Variants in HPSE2 observed in about 807,000 individuals in gnomAD.
HPSE2 encodes heparanase 2 (inactive), also known as inactive heparanase-2.
HPSE2 carries 38 observed loss-of-function variants against 60.5 expected under a neutral mutation model. The ratio of observed to expected loss-of-function variants is 0.63; its 90% confidence interval spans 0.48 to 0.82. HPSE2 has a LOEUF of 0.82. Ranked by LOEUF, HPSE2 falls within the 40% of genes least tolerant of loss-of-function variation. The pLI is 0.00. For missense variants in HPSE2, 713 were observed against 740.4 expected (o/e 0.96, Z 0.43); for synonymous variants, 295 against 293.2 (o/e 1.01, Z -0.06).
intron 3 of HPSE2, among the ~76,000 whole-genome samples, chr10:98,943,337 A>G (rs1440858117): frequency 6.6e-6 from 1 of 152,032 alleles, no homozygotes; most frequent in Non-Finnish European, 1.5e-5. Flanking sequence ...ACTTGTATTG[A>G]GTATCTTTTA....
chr10:98,834,410 A>T (rs1273197462), intron 3 of HPSE2, among the ~76,000 whole-genome samples: 1 of 152,176 alleles, frequency 6.6e-6, no homozygotes, highest in Non-Finnish European at 1.5e-5. Context: ...GTTTTCCTGT[A>T]CTAACTGCAC....
chr10:98,604,436 C>T (rs1212189729), intron 9 of HPSE2, among the ~76,000 whole-genome samples: 4 of 152,034 alleles, frequency 2.6e-5, no homozygotes, highest in African/African-American at 9.7e-5. Flanking sequence ...ATAGAAATCT[C>T]CCAAATTGAA....
chr10:98,788,935 G>A (rs552102438), intron 3 of HPSE2, among the ~76,000 whole-genome samples: 13 of 152,240 alleles, frequency 8.5e-5, no homozygotes, highest in Middle Eastern at 3.4e-3. Context: ...GCTGTAGACC[G>A]GAGCTGTTCC....
At chr10:98,804,513 T>C (rs1950995386) in intron 3 of HPSE2, among the ~76,000 whole-genome samples, 1 of 152,062 alleles carries the variant, frequency 6.6e-6, no homozygotes, top group African/African-American at 2.4e-5. Flanking sequence ...ACAAATGGCA[T>C]ACAGGCACAT....
the HPSE2 span, among the ~76,000 whole-genome samples, chr10:99,302,059 G>A: frequency 6.6e-6 from 1 of 151,878 alleles, no homozygotes; most frequent in East Asian, 1.9e-4. Flanking sequence ...GATGTTGAGT[G>A]GTTTACAGAG....
At chr10:98,482,496 C>T in intron 11 of HPSE2, 140 bp downstream of exon 11, 1 of 995,654 alleles carries the variant, frequency 1.0e-6, no homozygotes, top group South Asian at 1.3e-5. Context: ...TCAGCAGTCA[C>T]CTGACCCCAG....
chr10:99,027,117 G>T (rs1015579361), intron 3 of HPSE2, among the ~76,000 whole-genome samples: 1 of 151,308 alleles, frequency 6.6e-6, no homozygotes, highest in Non-Finnish European at 1.5e-5. Flanking sequence ...AAATAATAAA[G>T]ATCAAAGCAG....
rs1946577858 is a variant in HPSE2 at position 98,639,284 on chromosome 10, A to G, written c.1098+2563T>C. Among the ~76,000 whole-genome samples, 3 of 152,162 alleles carry G rather than the reference A, an allele frequency of 2.0e-5. No homozygotes were observed. The South Asian group carries it at 6.2e-4, about 32-fold the overall frequency. On this transcript the variant is annotated intron_variant, in intron 7 of 11. Transcript: ENST00000370552. Reference sequence around the variant, plus strand: ...CAAACCATTCCCTCTGTACCCTTTGAGAATTCCTGACCCATACAATGCATT... The same window carrying G: ...CAAACCATTCCCTCTGTACCCTTTGGGAATTCCTGACCCATACAATGCATT...
chr10:99,085,968 C>G (rs1367844531), intron 3 of HPSE2, among the ~76,000 whole-genome samples: 1 of 152,174 alleles, frequency 6.6e-6, no homozygotes, highest in Non-Finnish European at 1.5e-5. Flanking sequence ...CTGCCCATAC[C>G]TCTGTCACCT....
chr10:98,594,505 A>G (rs900116725), intron 9 of HPSE2, among the ~76,000 whole-genome samples: 6 of 152,084 alleles, frequency 3.9e-5, no homozygotes, highest in African/African-American at 1.2e-4. Context: ...ATCTGCAAAA[A>G]GGAACAATTT....
At chr10:99,095,685 T>C (rs1843695993) in intron 3 of HPSE2, among the ~76,000 whole-genome samples, 1 of 152,224 alleles carries the variant, frequency 6.6e-6, no homozygotes, top group Non-Finnish European at 1.5e-5. Context: ...AGCACAATGT[T>C]TTCCAGGTTC....
chr10:99,217,365 A>G (rs1693607679), intron 2 of HPSE2, among the ~76,000 whole-genome samples: 1 of 151,874 alleles, frequency 6.6e-6, no homozygotes, highest in Non-Finnish European at 1.5e-5. Context: ...TTTTTCCGTA[A>G]GAGCTGGCTG....
At chr10:99,051,787 C>A (rs879744770) in intron 3 of HPSE2, among the ~76,000 whole-genome samples, 3 of 151,968 alleles carry the variant, frequency 2.0e-5, no homozygotes, top group Non-Finnish European at 4.4e-5. Context: ...AGTGTGTCTG[C>A]AGAAAGTAGT....
At chr10:99,273,245 A>G in the HPSE2 span, among the ~76,000 whole-genome samples, 3 of 152,142 alleles carry the variant, frequency 2.0e-5, no homozygotes, top group Non-Finnish European at 4.4e-5. Context: ...AGAATGATAC[A>G]ATGGACTTTG....
At chr10:98,882,807 C>T (rs370822585) in intron 3 of HPSE2, among the ~76,000 whole-genome samples, 7 of 152,008 alleles carry the variant, frequency 4.6e-5, no homozygotes, top group African/African-American at 9.7e-5. Context: ...GTGCTCTACA[C>T]GAATTATTTA....
chr10:99,073,745 C>G (rs1354321460), intron 3 of HPSE2, among the ~76,000 whole-genome samples: 1 of 152,136 alleles, frequency 6.6e-6, no homozygotes, highest in Non-Finnish European at 1.5e-5. Context: ...TTGTCATTTT[C>G]TGTGTACAAG....
At chr10:99,230,571 C>T (rs1256091263) in intron 2 of HPSE2, among the ~76,000 whole-genome samples, 2 of 152,012 alleles carry the variant, frequency 1.3e-5, no homozygotes, top group African/African-American at 4.8e-5. Flanking sequence ...AGGGCACTGC[C>T]TTCTGCCAAT....
rs867905928 is a variant in HPSE2, at chr10:98,930,377, G to A, written c.611-186321C>T. On this transcript the variant is annotated intron_variant, in intron 3 of 11. Transcript: ENST00000370552. Reference sequence around the variant, plus strand: ...ATATATACCACAGTTTCTTTATCCAGTCTATCATTGATGAGCATTTGGGTT... The same window carrying A: ...ATATATACCACAGTTTCTTTATCCAATCTATCATTGATGAGCATTTGGGTT... Among the ~76,000 whole-genome samples, 11 of 144,290 alleles carry A rather than the reference G, an allele frequency of 7.6e-5. 1 individual carries two copies. Among genetic ancestry groups the A allele is most frequent in the Admixed American group, 1.4e-4 (2 of 14,556 alleles). The allele number at this position is 144,290 out of a possible 152,430, so 94.7% of individuals were successfully genotyped here. A position where few individuals can be genotyped will look rare whatever the true frequency, so the allele number is the denominator to read the frequency against.
intron 4 of HPSE2, among the ~76,000 whole-genome samples, chr10:98,727,042 A>G (rs1339475479): frequency 6.6e-6 from 1 of 152,090 alleles, no homozygotes; most frequent in Non-Finnish European, 1.5e-5. Flanking sequence ...TGTTGACTCA[A>G]GTGCAACCCC....
Sources: gnomAD v4.1 joint callset for allele counts (sites outside exome capture counted in the v4.1 genomes callset) on GRCh38, gnomAD v4.1.1 for gene constraint, MANE v1.5 for transcripts, NCBI Gene and HGNC (gene_info 2026-07-23, HGNC 2026-07-21) for gene names.